TNIK: variants seen among roughly 807,000 people sequenced by gnomAD.
TNIK encodes TRAF2 and NCK interacting kinase.
In TNIK, 49 loss-of-function variants were observed where a neutral mutation model predicts 191.3. The ratio of observed to expected loss-of-function variants is 0.26; its 90% CI spans 0.20 to 0.32. The LOEUF (loss-of-function observed/expected upper bound fraction) is 0.32. TNIK is among the 10% of genes least tolerant of loss of function. The probability of loss-of-function intolerance (pLI) is 1.00; values close to 1 mark genes in which losing one functional copy is unlikely to be tolerated. For synonymous variants in TNIK, 594 were observed against 600.9 expected (o/e 0.99, Z 0.17); for missense variants, 1,155 against 1,702.3 (o/e 0.68, Z 5.66).
At chr3:171,327,898 C>CAAA (rs1755958710) in intron 2 of TNIK, among the ~76,000 whole-genome samples, 2 of 28,660 alleles carry the variant, frequency 7.0e-5, no homozygotes, top group Admixed American at 4.1e-4. Context: ...AAACCTGGCT[C>CAAA]ATAAAAAAAA....
rs1329900226 is a variant in TNIK, at chr3:171,157,680, A to G, written c.1017-16T>C. ...CAGGATGGAGCTGTGGGTAGGAGAG[A>G]GTGATCAGGATCCCACGTGGGGCAG... On this transcript the variant is annotated splice_polypyrimidine_tract_variant and intron_variant, in intron 11 of 32. Coordinates refer to ENST00000436636, the MANE Select transcript of TNIK (RefSeq NM_015028.4). 1.9e-6 allele frequency: 3 copies of G among 1,552,330 alleles called. No individual in the cohort carries two copies. The highest frequency in any genetic ancestry group is 1.7e-4 in the Middle Eastern group (1 of 5,988).
intron 18 of TNIK, among the ~76,000 whole-genome samples, chr3:171,118,882 A>C (rs1053564538): frequency 6.6e-5 from 10 of 152,262 alleles, no homozygotes; most frequent in African/African-American, 2.4e-4. Context: ...GGCATGGACA[A>C]GGACTTCATG....
chr3:171,352,139 G>C (rs947768119), intron 2 of TNIK, among the ~76,000 whole-genome samples: 2 of 152,200 alleles, frequency 1.3e-5, no homozygotes, highest in African/African-American at 4.8e-5. Context: ...CTGGACAGCA[G>C]GCCACACCTG....
At chr3:171,372,408 G>A (rs1206175685) in intron 1 of TNIK, among the ~76,000 whole-genome samples, 2 of 152,226 alleles carry the variant, frequency 1.3e-5, no homozygotes, top group Admixed American at 6.5e-5. Flanking sequence ...GACTCCCTGA[G>A]ATTTATACTG....
chr3:171,256,039 A>C (rs1007707272), intron 2 of TNIK, among the ~76,000 whole-genome samples: 1 of 152,206 alleles, frequency 6.6e-6, no homozygotes, highest in Non-Finnish European at 1.5e-5. Flanking sequence ...GCAGCTAATA[A>C]GACGACCATT....
At chr3:171,256,535 G>A (rs1159548182) in intron 2 of TNIK, among the ~76,000 whole-genome samples, 1 of 152,130 alleles carries the variant, frequency 6.6e-6, no homozygotes, top group Admixed American at 6.5e-5. Context: ...CAGAGTGCTG[G>A]CCATGAAGAA....
At chr3:171,149,585 T>C (rs985649425) in intron 12 of TNIK, among the ~76,000 whole-genome samples, 6 of 152,140 alleles carry the variant, frequency 3.9e-5, no homozygotes, top group African/African-American at 1.2e-4. Context: ...AGAAGCCCTT[T>C]TGCGATCCAC....
intron 2 of TNIK, among the ~76,000 whole-genome samples, chr3:171,346,524 T>C (rs1560459317): frequency 6.6e-6 from 1 of 152,184 alleles, no homozygotes. Flanking sequence ...GTAAGCAAAG[T>C]AGACAAGTCT....
chr3:171,454,205 T>C (rs1052886369), intron 1 of TNIK, among the ~76,000 whole-genome samples: 2 of 152,166 alleles, frequency 1.3e-5, no homozygotes, highest in African/African-American at 4.8e-5. Context: ...TGTGCTCAGC[T>C]GGGCATGGCG....
intron 7 of TNIK, among the ~76,000 whole-genome samples, chr3:171,185,257 C>A (rs1460031978): frequency 6.7e-6 from 1 of 149,512 alleles, no homozygotes; most frequent in Non-Finnish European, 1.5e-5. Flanking sequence ...ATTATGTGTA[C>A]TATACTGTGG....
chr3:171,396,208 T>A (rs1720233697), intron 1 of TNIK, among the ~76,000 whole-genome samples: 1 of 151,790 alleles, frequency 6.6e-6, no homozygotes, highest in Admixed American at 6.6e-5. Flanking sequence ...TCATACAATA[T>A]GTGACCTTTT....
chr3:171,216,818 G>T (rs9876366), intron 3 of TNIK, among the ~76,000 whole-genome samples: 1 of 151,938 alleles, frequency 6.6e-6, no homozygotes, highest in South Asian at 2.1e-4. Context: ...AATTACAATA[G>T]ATTGTAATAA....
intron 28 of TNIK, among the ~76,000 whole-genome samples, chr3:171,073,247 A>G (rs1293561655): frequency 3.3e-5 from 5 of 152,204 alleles, no homozygotes; most frequent in Admixed American, 6.5e-5. Flanking sequence ...ATAAAGCCAC[A>G]TACCTACAAC....
chr3:171,141,512 G>A (rs944290819), intron 12 of TNIK, among the ~76,000 whole-genome samples: 3 of 152,212 alleles, frequency 2.0e-5, no homozygotes, highest in African/African-American at 7.2e-5. Context: ...AGTTACAGGA[G>A]CCAGTGGTTC....
At chr3:171,244,037 TG>T (rs1161394724) in intron 2 of TNIK, among the ~76,000 whole-genome samples, 5 of 151,514 alleles carry the variant, frequency 3.3e-5, no homozygotes, top group Non-Finnish European at 7.4e-5. Flanking sequence ...ACTGCAATTT[TG>T]TTTTTTTTAG....
In TNIK at chr3:171,157,599, T is replaced by C. The variant is rs761325864; in HGVS notation, c.1082A>G (p.Asn361Ser). Residue 361 changes from asparagine (N) to serine (S), a missense_variant, in exon 12 of 33, where the codon AAC becomes AGC. Asn to Ser is a conservative substitution (Grantham distance 46). This residue lies in a region of TNIK where 735 missense variants were observed against 848.0 expected (regional missense o/e 0.87). Transcript: ENST00000436636. ...RRDFLRLQLA[N>S]KERSEALRRQ... ...CCGTAGGGCCTCAGAACGCTCCTTG[T>C]TGGCCAGCTGCAGCCTCAGAAAGTC... The C allele has an allele frequency of 3.9e-6, 6 of 1,556,734 alleles. No individual in the cohort carries two copies. In the African/African-American group the frequency reaches 8.2e-5, roughly 21 times the overall value.
intron 2 of TNIK, among the ~76,000 whole-genome samples, chr3:171,356,051 G>A (rs377393160): frequency 3.3e-5 from 5 of 152,100 alleles, no homozygotes; most frequent in South Asian, 2.1e-4. Context: ...AAATATTTGC[G>A]TGGTCTCCAG....
chr3:171,440,539 G>A (rs1273758716), intron 1 of TNIK, among the ~76,000 whole-genome samples: 1 of 152,150 alleles, frequency 6.6e-6, no homozygotes, highest in African/African-American at 2.4e-5. Flanking sequence ...GGAATGGGGT[G>A]GTAGTTACTG....
At chr3:171,180,582 T>TGAAA (rs1736525991) in intron 7 of TNIK, among the ~76,000 whole-genome samples, 1 of 152,168 alleles carries the variant, frequency 6.6e-6, no homozygotes, top group Admixed American at 6.5e-5. Context: ...AATGAACAAA[T>TGAAA]GAAAGATACA....
Sources: gnomAD v4.1 joint callset for allele counts (sites outside exome capture counted in the v4.1 genomes callset) on GRCh38, gnomAD v4.1.1 for gene constraint, gnomAD v4.1.1 regional missense constraint, MANE v1.5 for transcripts, NCBI Gene and HGNC (gene_info 2026-07-23, HGNC 2026-07-21) for gene names.